Variants in SLITRK6 observed in about 807,000 individuals in gnomAD.
The protein encoded by SLITRK6 is SLIT and NTRK like family member 6, also known as SLIT and NTRK-like protein 6.
In SLITRK6, 35 loss-of-function variants were observed where a neutral mutation model predicts 55.6. The ratio of observed to expected loss-of-function variants is 0.63; its 90% CI spans 0.48 to 0.83. The LOEUF (loss-of-function observed/expected upper bound fraction) is 0.83, where lower values mean the gene tolerates loss of function less well. Among genes scored for constraint, SLITRK6 ranks in the 40% least tolerant of loss-of-function variants. The pLI is 0.00. For missense variants in SLITRK6, 977 were observed against 986.4 expected, an observed-to-expected ratio of 0.99 and a Z score of 0.13; for synonymous variants, 392 against 359.6, an observed-to-expected ratio of 1.09 and a Z score of -1.02.
In SLITRK6 at chr13:85,793,018, A is replaced by C. The variant is rs1874591495; in HGVS notation, c.*965T>G. On this transcript the variant is annotated 3_prime_UTR_variant, in exon 2 of 2. Transcript: ENST00000647374. ...TTGCTACTGATTTATGGCATCTATC[A>C]ATGTACATCAATAAAAATAAAATAA... is the stretch of plus-strand genomic sequence containing the variant. 1 of 152,204 alleles carries C rather than the reference A, an allele frequency of 6.6e-6. No homozygotes were observed. The highest frequency in any genetic ancestry group is 1.5e-5 in the Non-Finnish European group (1 of 67,836). The allele number at this position is 152,204 out of a possible 1,614,324, so 9.4% of individuals were successfully genotyped here.
rs1337266 is a variant in SLITRK6, at chr13:85,793,742, T to G, written c.*241A>C. The G allele has an allele frequency of 1.8e-5, 7 of 399,886 alleles. No individual in the cohort carries two copies. The East Asian group carries it at 2.3e-4, about 13-fold the overall frequency. The allele number at this position is 399,886 out of a possible 1,614,324, so 24.8% of individuals were successfully genotyped here. A position where few individuals can be genotyped will look rare whatever the true frequency, so the allele number is the denominator to read the frequency against. On this transcript the variant is annotated 3_prime_UTR_variant, in exon 2 of 2. Coordinates refer to ENST00000647374, the MANE Select transcript of SLITRK6 (RefSeq NM_032229.3). ...TTCAGTATATGAAATATTACTATAATCCTTGAATGATTTACATGCAAGGAT... is the reference window on the plus strand; with the variant it reads ...TTCAGTATATGAAATATTACTATAAGCCTTGAATGATTTACATGCAAGGAT...
chr13:85,796,611 T>C, intron 1 of SLITRK6, 79 bp from the exon 2 acceptor site: 1 of 1,199,012 alleles, frequency 8.3e-7, no homozygotes, highest in Non-Finnish European at 1.1e-6. Flanking sequence ...TTCAAAATAA[T>C]AGGTTTTTCT....
In SLITRK6 at chr13:85,795,325, C is replaced by T. The variant is rs1238316856; in HGVS notation, c.1184G>A (p.Gly395Glu). The T allele has an allele frequency of 6.2e-7, 1 of 1,612,700 alleles. No individual in the cohort carries two copies. Residue 395 changes from glycine to glutamate, a missense_variant, in exon 2 of 2, where the codon GGA (glycine) becomes GAA (glutamate). Coordinates refer to ENST00000647374, the MANE Select transcript of SLITRK6 (RefSeq NM_032229.3). Reference protein sequence around the residue: ...EYFTLEMLHLGNNRIEVLEEG... With the variant: ...EYFTLEMLHLENNRIEVLEEG... ...TTCAAGAACTTCAATACGATTGTTT[C>T]CCAAGTGAAGCATTTCCAAAGTGAA... is the stretch of plus-strand genomic sequence containing the variant.
chr13:85,798,856 A>G (rs1357654123), intron 1 of SLITRK6, 58 bp downstream of exon 1: 1 of 152,000 alleles, frequency 6.6e-6, no homozygotes, highest in Non-Finnish European at 1.5e-5. Flanking sequence ...TACAAATTCA[A>G]TCACTTTACT....
rs10694306 is a variant in SLITRK6 at position 85,797,151 on chromosome 13, C to CTATATATATATATATATA, written c.-24-637_-24-620dup. The stretch of plus-strand genomic sequence containing the variant: ...GTGTTTTAACCTGCTTCGGTTTTGG[C>CTATATATATATATATATA]TATATATATATATATATACTAATTT... On this transcript the variant is annotated intron_variant, in intron 1 of 1. Coordinates refer to ENST00000647374, the MANE Select transcript of SLITRK6 (RefSeq NM_032229.3). Among the ~76,000 whole-genome samples, 225 of 145,144 alleles carry CTATATATATATATATATA rather than the reference C, an allele frequency of 1.6e-3. 2 individuals carry two copies. The highest frequency in any genetic ancestry group is 5.4e-3 in the African/African-American group (214 of 39,818).
In SLITRK6 at chr13:85,793,971, C is replaced by T. The variant is rs1178567238; in HGVS notation, c.*12G>A. Reference sequence around the variant, plus strand: ...ATCACAGCATTTCTGCGAAAGCCCTCAAACTCTCCATCTATGTTTGCTGCT... The same window carrying T: ...ATCACAGCATTTCTGCGAAAGCCCTTAAACTCTCCATCTATGTTTGCTGCT... On this transcript the variant is annotated 3_prime_UTR_variant, in exon 2 of 2. Transcript: ENST00000647374. 1 of 1,574,360 alleles carries T rather than the reference C, an allele frequency of 6.4e-7. No homozygotes were observed. Among genetic ancestry groups the T allele is most frequent in the South Asian group, 1.2e-5 (1 of 83,420 alleles).
At position 85,795,859 on chromosome 13, in the gene SLITRK6, T is replaced by C. The variant is rs1369480907; in HGVS notation, c.650A>G (p.Asp217Gly). Reference sequence around the variant, plus strand: ...GTCACAATTGCAGGCCCATTTGTTGTCCTCCAACTGAAGATCCAATATTCG... The same window carrying C: ...GTCACAATTGCAGGCCCATTTGTTGCCCTCCAACTGAAGATCCAATATTCG... ...IGRILDLQLE[D>G]NKWACNCDLL... The change falls in exon 2 of 2, where the codon GAC (aspartate) becomes GGC (glycine). Residue 217 changes from aspartate to glycine, a missense_variant. Coordinates refer to ENST00000647374, the MANE Select transcript of SLITRK6 (RefSeq NM_032229.3). 1.9e-6 allele frequency: 3 copies of C among 1,612,926 alleles called. No homozygotes were observed. The highest frequency in any genetic ancestry group is 3.3e-5 in the Admixed American group (2 of 59,788).
Position 85,796,038 on chromosome 13 carries a change from G to A in SLITRK6, c.471C>T (p.Ser157=), listed in dbSNP as rs1261924843. ...FITVIEPSAF[S]KLNRLKVLIL... ...TTAACACTTTGAGTCTGTTGAGCTT[G>A]CTAAAGGCACTTGGTTCAATCACTG... The change falls in exon 2 of 2, where the codon AGC becomes AGT. Residue 157 remains serine (S), a synonymous_variant. Transcript: ENST00000647374. The A allele has an allele frequency of 1.2e-6, 2 of 1,613,154 alleles. No homozygotes were observed. Among genetic ancestry groups the A allele is most frequent in the South Asian group, 1.1e-5 (1 of 91,060 alleles).
In SLITRK6 at chr13:85,795,461, G is replaced by T. The variant is rs200364181; in HGVS notation, c.1048C>A (p.Arg350Ser). The T allele has an allele frequency of 2.5e-6, 4 of 1,612,806 alleles. No individual in the cohort carries two copies. In the African/African-American group the frequency reaches 4.0e-5, roughly 16 times the overall value. The change falls in exon 2 of 2, where the codon CGC (arginine) becomes AGC (serine). Residue 350 changes from arginine to serine, a missense_variant. By Grantham distance (110) the Arg-to-Ser change is moderately radical. Coordinates refer to ENST00000647374, the MANE Select transcript of SLITRK6 (RefSeq NM_032229.3). The part of the protein sequence containing the change: ...PSGLLIHCQE[R>S]NIESLSDLRP... ...AGATCTGATAAGCTTTCAATGTTGC[G>T]CTCCTGACAATGTATTAGAAGTCCT...
At chr13:85,797,729 T>C (rs1288989299) in intron 1 of SLITRK6, among the ~76,000 whole-genome samples, 1 of 151,838 alleles carries the variant, frequency 6.6e-6, no homozygotes, top group African/African-American at 2.4e-5. Context: ...ACATAACAAA[T>C]GCATCTGAAA....
In SLITRK6 at chr13:85,794,751, A is replaced by C; in HGVS notation, c.1758T>G (p.Thr586=). The part of the protein sequence containing the change: ...PTQTSYLMVT[T]PATTTNTADT... ...CAGCCGTATTTGTTGTTGTTGCAGG[A>C]GTGGTGACCATAAGGTAACTAGTCT... Residue 586 remains threonine (T), a synonymous_variant, in exon 2 of 2, where the codon ACT becomes ACG. Coordinates refer to ENST00000647374, the MANE Select transcript of SLITRK6 (RefSeq NM_032229.3). The C allele has an allele frequency of 6.2e-7, 1 of 1,613,214 alleles. No homozygotes were observed. Among genetic ancestry groups the C allele is most frequent in the South Asian group, 1.1e-5 (1 of 91,072 alleles).
At chr13:85,797,350 A>T (rs1468140239) in intron 1 of SLITRK6, among the ~76,000 whole-genome samples, 1 of 151,730 alleles carries the variant, frequency 6.6e-6, no homozygotes, top group Non-Finnish European at 1.5e-5. Flanking sequence ...ATTATATTTA[A>T]TATTGAATTT....
chr13:85,794,953 CA>C lies in SLITRK6; in HGVS notation c.1555del (p.Trp519GlyfsTer17), dbSNP rs781705888. Reference sequence around the variant, plus strand: ...TCCAACCAGGTCACAGGAGCAGTCCCAGGGGTTATCCTCAAGGTCAATCTGG... The same window carrying C: ...TCCAACCAGGTCACAGGAGCAGTCCCGGGGTTATCCTCAAGGTCAATCTGG... ...LTQIDLEDNPWDCSCDLVGLQ... is the reference protein window; with the variant it reads ...LTQIDLEDNPXDCSCDLVGLQ... On this transcript the variant is annotated frameshift_variant, in exon 2 of 2. Transcript: ENST00000647374. LOFTEE classifies it high-confidence loss of function. The C allele has an allele frequency of 6.2e-7, 1 of 1,613,110 alleles. No individual in the cohort carries two copies. Among genetic ancestry groups the C allele is most frequent in the South Asian group, 1.1e-5 (1 of 91,070 alleles).
At position 85,794,058 on chromosome 13, in the gene SLITRK6, T is replaced by C; in HGVS notation, c.2451A>G (p.Lys817=). The C allele has an allele frequency of 6.2e-7, 1 of 1,612,476 alleles. No homozygotes were observed. The change falls in exon 2 of 2, where the codon AAA becomes AAG. Residue 817 remains lysine (K), a synonymous_variant. Coordinates refer to ENST00000647374, the MANE Select transcript of SLITRK6 (RefSeq NM_032229.3). ...TAGCTTTAAGTTCAAAATACTCATT[T>C]TTTGTCTGTTCCACTAATACCTTCC... ...RPRKVLVEQT[K]NEYFELKANL...
intron 1 of SLITRK6, among the ~76,000 whole-genome samples, chr13:85,798,089 G>A (rs1874774423): frequency 6.6e-6 from 1 of 151,766 alleles, no homozygotes; most frequent in African/African-American, 2.4e-5. Flanking sequence ...AAGGCAAAAG[G>A]CAACTGAAGA....
chr13:85,797,725 C>A (rs1040865101), intron 1 of SLITRK6, among the ~76,000 whole-genome samples: 2 of 151,798 alleles, frequency 1.3e-5, no homozygotes, highest in African/African-American at 4.8e-5. Flanking sequence ...AAACACATAA[C>A]AAATGCATCT....
At position 85,795,568 on chromosome 13, in the gene SLITRK6, A is replaced by G; in HGVS notation, c.941T>C (p.Ile314Thr). Reference protein sequence around the residue: ...LKLPTKAPGLIPYITKPSTQL... With the variant: ...LKLPTKAPGLTPYITKPSTQL... ...AGTGGATGGCTTTGTAATATAAGGT[A>G]TCAAACCTGGTGCTTTGGTGGGTAG... The change falls in exon 2 of 2, where the codon ATA (isoleucine) becomes ACA (threonine). Residue 314 changes from isoleucine to threonine, a missense_variant. Transcript: ENST00000647374. 2 of 1,612,862 alleles carry G rather than the reference A, an allele frequency of 1.2e-6. No homozygotes were observed. The highest frequency in any genetic ancestry group is 1.7e-5 in the Admixed American group (1 of 59,842).
At position 85,795,978 on chromosome 13, in the gene SLITRK6, T is replaced by G; in HGVS notation, c.531A>C (p.Pro177=). The change falls in exon 2 of 2, where the codon CCA becomes CCC. Residue 177 remains proline (P), a synonymous_variant. Transcript: ENST00000647374. ...LNDNAIESLP[P]NIFRFVPLTH... is the part of the protein sequence containing the mutation. ...TTAAAGGAACAAATCGGAAGATGTT[T>G]GGAGGAAGACTCTCAATAGCATTGT... The G allele has an allele frequency of 6.2e-7, 1 of 1,613,088 alleles. No homozygotes were observed.
In SLITRK6 at chr13:85,793,190, G is replaced by A. The variant is rs1874596385; in HGVS notation, c.*793C>T. ...TCATATTTACAGCAGAATCTCAGTAGCATTTTTAAAATATCCCAAGAAGAA... is the reference window on the plus strand; with the variant it reads ...TCATATTTACAGCAGAATCTCAGTAACATTTTTAAAATATCCCAAGAAGAA... On this transcript the variant is annotated 3_prime_UTR_variant, in exon 2 of 2. Coordinates refer to ENST00000647374, the MANE Select transcript of SLITRK6 (RefSeq NM_032229.3). 1.3e-5 allele frequency: 2 copies of A among 151,794 alleles called. No individual in the cohort carries two copies. The highest frequency in any genetic ancestry group is 1.5e-5 in the Non-Finnish European group (1 of 67,864). 9.4% of individuals were successfully genotyped at this position (151,794 alleles called of 1,614,324 possible).
Sources: allele counts gnomAD v4.1 joint callset (sites outside exome capture counted in the v4.1 genomes callset), GRCh38; gene constraint gnomAD v4.1.1; transcripts MANE v1.5; gene names NCBI Gene and HGNC (gene_info 2026-07-23, HGNC 2026-07-21).